ADCY8: variants seen among roughly 807,000 people sequenced by gnomAD.
The protein encoded by ADCY8 is adenylate cyclase type 8.
ADCY8 carries 51 observed loss-of-function variants against 119.7 expected under a neutral mutation model. The ratio of observed to expected loss-of-function variants is 0.43; its 90% CI spans 0.34 to 0.54. ADCY8 has a LOEUF of 0.54. Among genes scored for constraint, ADCY8 ranks in the 20% least tolerant of loss-of-function variants. The pLI is 0.03. For synonymous variants in ADCY8, 665 were observed against 651.0 expected, an observed-to-expected ratio of 1.02 and a Z score of -0.33; for missense variants, 1,383 against 1,598.8, an observed-to-expected ratio of 0.87 and a Z score of 2.30.
At chr8:130,831,784 G>A (rs373153938) in intron 12 of ADCY8, among the ~76,000 whole-genome samples, 1 of 152,156 alleles carries the variant, frequency 6.6e-6, no homozygotes, top group Non-Finnish European at 1.5e-5. Flanking sequence ...AATTGAGAGT[G>A]GAGTTTAAGA....
intron 1 of ADCY8, among the ~76,000 whole-genome samples, chr8:131,001,285 T>C (rs1187603135): frequency 6.6e-6 from 1 of 152,074 alleles, no homozygotes; most frequent in East Asian, 1.9e-4. Flanking sequence ...GTCTGGAATC[T>C]GCAGTAGGTG....
At chr8:130,928,866 G>T (rs1464844487) in intron 5 of ADCY8, among the ~76,000 whole-genome samples, 1 of 151,962 alleles carries the variant, frequency 6.6e-6, no homozygotes, top group Non-Finnish European at 1.5e-5. Flanking sequence ...GAAAAGAATT[G>T]ATATTCTTCT....
chr8:130,842,641 G>T (rs1227170124), intron 11 of ADCY8, among the ~76,000 whole-genome samples: 3 of 152,120 alleles, frequency 2.0e-5, no homozygotes, highest in South Asian at 2.1e-4. Flanking sequence ...GGGAGGCCCA[G>T]GCAGGTGGGT....
chr8:130,979,201 T>A (rs192040754), intron 2 of ADCY8, among the ~76,000 whole-genome samples: 22 of 152,332 alleles, frequency 1.4e-4, no homozygotes, highest in African/African-American at 5.1e-4. Context: ...GAACGCACTA[T>A]CCTCAGTCTA....
At chr8:130,919,214 G>A (rs1441184888) in intron 5 of ADCY8, among the ~76,000 whole-genome samples, 1 of 152,118 alleles carries the variant, frequency 6.6e-6, no homozygotes. Flanking sequence ...TTTTTAACAT[G>A]GCCCAGACAC....
At chr8:130,950,527 A>G (rs1047705883) in intron 3 of ADCY8, among the ~76,000 whole-genome samples, 4 of 152,150 alleles carry the variant, frequency 2.6e-5, no homozygotes, top group Non-Finnish European at 4.4e-5. Flanking sequence ...TTGCACAAGC[A>G]ATGGACTGGT....
chr8:130,914,796 T>C (rs923358829), intron 5 of ADCY8, among the ~76,000 whole-genome samples: 1 of 152,264 alleles, frequency 6.6e-6, no homozygotes, highest in Non-Finnish European at 1.5e-5. Flanking sequence ...AGATGACATC[T>C]GCATCTTCTC....
At chr8:130,952,610 G>A (rs1821307886) in intron 2 of ADCY8, among the ~76,000 whole-genome samples, 1 of 152,188 alleles carries the variant, frequency 6.6e-6, no homozygotes, top group Non-Finnish European at 1.5e-5. Flanking sequence ...AACTACAACT[G>A]AAAGCCACTA....
At chr8:130,905,510 T>G (rs1165387775) in intron 6 of ADCY8, among the ~76,000 whole-genome samples, 1 of 152,202 alleles carries the variant, frequency 6.6e-6, no homozygotes, top group African/African-American at 2.4e-5. Context: ...TGCTTAATAT[T>G]TTGATTGGCT....
In ADCY8 at chr8:130,780,373, A is replaced by G. The variant is rs568643436; in HGVS notation, c.*17T>C. 9 of 1,405,118 alleles carry G rather than the reference A, an allele frequency of 6.4e-6. No homozygotes were observed. Among genetic ancestry groups the G allele is most frequent in the Non-Finnish European group, 8.4e-6 (9 of 1,075,010 alleles). 87.0% of individuals were successfully genotyped at this position (1,405,118 alleles called of 1,614,324 possible). ...TATAAAAGAAATACAAAAAAAAAAA[A>G]CAGAAAGAAAATGCTTTTATGGCAA... On this transcript the variant is annotated 3_prime_UTR_variant, in exon 18 of 18. Coordinates refer to ENST00000286355, the MANE Select transcript of ADCY8 (RefSeq NM_001115.3).
chr8:130,819,488 C>G (rs1816442874), intron 13 of ADCY8, among the ~76,000 whole-genome samples: 1 of 152,144 alleles, frequency 6.6e-6, no homozygotes, highest in Non-Finnish European at 1.5e-5. Flanking sequence ...CAAAGTAATT[C>G]CCTAAGGTGA....
chr8:130,954,913 C>T (rs566475039), intron 2 of ADCY8, among the ~76,000 whole-genome samples: 9 of 152,196 alleles, frequency 5.9e-5, no homozygotes, highest in South Asian at 2.1e-4. Flanking sequence ...ACAAAGCCTC[C>T]GAGGAGGAAA....
chr8:130,923,184 T>G (rs574010782), intron 5 of ADCY8, among the ~76,000 whole-genome samples: 6 of 151,322 alleles, frequency 4.0e-5, no homozygotes, highest in Non-Finnish European at 7.4e-5. Flanking sequence ...AAGGGATTTT[T>G]GGGGGAAATA....
At chr8:130,882,096 C>T (rs542153416) in intron 8 of ADCY8, among the ~76,000 whole-genome samples, 22 of 149,368 alleles carry the variant, frequency 1.5e-4, no homozygotes, top group Non-Finnish European at 1.3e-4. Context: ...GTGTGTGTTT[C>T]CTCTTAGAAA....
chr8:130,893,851 T>C (rs2130493171), intron 7 of ADCY8, among the ~76,000 whole-genome samples: 1 of 147,442 alleles, frequency 6.8e-6, no homozygotes, highest in East Asian at 1.9e-4. Flanking sequence ...TTTGTGTGTT[T>C]TGGGGTGTGC....
At chr8:130,909,587 G>T in intron 6 of ADCY8, 121 bp downstream of exon 6, 1 of 1,173,084 alleles carries the variant, frequency 8.5e-7, no homozygotes, top group Non-Finnish European at 1.2e-6. Flanking sequence ...TCAGTGTCTG[G>T]TCTCCTTCCA....
chr8:130,790,772 C>T (rs1012347356), intron 15 of ADCY8, among the ~76,000 whole-genome samples: 2 of 152,250 alleles, frequency 1.3e-5, no homozygotes, highest in African/African-American at 2.4e-5. Context: ...ATCCTTCCTC[C>T]GTCGATCCAT....
chr8:130,889,182 C>G (rs1819096392), intron 7 of ADCY8, among the ~76,000 whole-genome samples: 1 of 152,056 alleles, frequency 6.6e-6, no homozygotes, highest in Non-Finnish European at 1.5e-5. Context: ...TTCTGTGGAC[C>G]AATCAGTTTA....
At chr8:130,913,789 A>G (rs1169763528) in intron 5 of ADCY8, among the ~76,000 whole-genome samples, 1 of 152,196 alleles carries the variant, frequency 6.6e-6, no homozygotes, top group Non-Finnish European at 1.5e-5. Context: ...ATGAGTCCCA[A>G]TTGATGTTTT....
Sources: allele counts gnomAD v4.1 joint callset (sites outside exome capture counted in the v4.1 genomes callset), GRCh38; gene constraint gnomAD v4.1.1; transcripts MANE v1.5; gene names NCBI Gene and HGNC (gene_info 2026-07-23, HGNC 2026-07-21).